SLC25A27: variants seen among roughly 807,000 people sequenced by gnomAD.
The protein encoded by SLC25A27 is solute carrier family 25 member 27.
SLC25A27 carries 35 observed loss-of-function variants against 49.1 expected under a neutral mutation model. The observed-to-expected ratio is 0.71, with a 90% CI of 0.54 to 0.95. The LOEUF is 0.95. Ranked by LOEUF, SLC25A27 falls within the 40% of genes least tolerant of loss-of-function variation. SLC25A27 has a pLI of 0.00. For missense variants in SLC25A27, 339 were observed against 397.1 expected (o/e 0.85, Z 1.24); for synonymous variants, 144 against 136.9 (o/e 1.05, Z -0.36).
At chr6:46,655,531 G>GTTTTTTTTTTTTTTTTTTTTTT (rs1283936753) in intron 1 of SLC25A27, among the ~76,000 whole-genome samples, 2 of 98,548 alleles carry the variant, frequency 2.0e-5, no homozygotes, top group African/African-American at 3.7e-5. Context: ...TATTGTTAAT[G>GTTTTTTTTTTTTTTTTTTTTTT]TTTGTTTTTT....
At chr6:46,653,701 G>T (rs1762855266) in intron 1 of SLC25A27, 14 of 985,188 alleles carry the variant, frequency 1.4e-5, no homozygotes, top group Non-Finnish European at 1.3e-5. Flanking sequence ...TTATCTTGTG[G>T]GTCCAAGTTG....
chr6:46,671,193 CTA>C lies in SLC25A27; in HGVS notation c.870_871del (p.Tyr290Ter), dbSNP rs1234428333. 6.2e-7 allele frequency: 1 copy of C among 1,600,318 alleles called. No homozygotes were observed. Among genetic ancestry groups the C allele is most frequent in the Admixed American group, 1.7e-5 (1 of 57,718 alleles). On this transcript the variant is annotated frameshift_variant, in exon 8 of 9. Coordinates refer to ENST00000371347, the MANE Select transcript of SLC25A27 (RefSeq NM_004277.5). LOFTEE classifies it high-confidence loss of function. Reference protein sequence around the residue: ...QAVQGEGFMSLYKGFLPSWLR... With the variant: ...QAVQGEGFMSXYKGFLPSWLR... ...TGTTCAAGGTGAAGGATTCATGAGT[CTA>C]TATAAAGGCTTTTTACCATCTTGGC...
At chr6:46,655,013 T>C (rs1275956849) in intron 1 of SLC25A27, among the ~76,000 whole-genome samples, 1 of 152,200 alleles carries the variant, frequency 6.6e-6, no homozygotes, top group African/African-American at 2.4e-5. Flanking sequence ...CTTCCTTATG[T>C]AGGCCGTTTA....
chr6:46,657,193 G>C (rs1763013413), intron 2 of SLC25A27, among the ~76,000 whole-genome samples: 2 of 152,190 alleles, frequency 1.3e-5, no homozygotes, highest in South Asian at 4.1e-4. Context: ...GCCGGGTGCT[G>C]TGGCTCACAC....
chr6:46,654,757 A>T lies in SLC25A27; in HGVS notation c.107-1086A>T, dbSNP rs1237978689. 3.9e-5 allele frequency among the ~76,000 whole-genome samples: 6 copies of T among 152,336 alleles called. No homozygotes were observed. The South Asian group carries it at 1.2e-3, about 32-fold the overall frequency. On this transcript the variant is annotated intron_variant, in intron 1 of 8. Coordinates refer to ENST00000371347, the MANE Select transcript of SLC25A27 (RefSeq NM_004277.5). The stretch of plus-strand genomic sequence containing the variant: ...GTCAATAAAATATTGCTTGAAGTCT[A>T]TGCAAGCTACTTCTGTTCTAGGGAA...
At chr6:46,668,050 A>G (rs1485057640) in intron 5 of SLC25A27, among the ~76,000 whole-genome samples, 1 of 152,200 alleles carries the variant, frequency 6.6e-6, no homozygotes, top group Non-Finnish European at 1.5e-5. Flanking sequence ...GCCATTAGAA[A>G]AATGTATAAA....
chr6:46,671,273 AT>A, intron 8 of SLC25A27, 45 bp downstream of exon 8: 1 of 1,106,820 alleles, frequency 9.0e-7, no homozygotes, highest in South Asian at 1.5e-5. Context: ...TTGTACTTAA[AT>A]TACTTTTAAT....
chr6:46,660,539 C>T (rs1036471956), intron 3 of SLC25A27, among the ~76,000 whole-genome samples: 4 of 152,062 alleles, frequency 2.6e-5, no homozygotes, highest in African/African-American at 9.7e-5. Context: ...AAGATATTGA[C>T]TGTAGCAGTG....
chr6:46,668,840 T>G, intron 6 of SLC25A27, 47 bp downstream of exon 6: 1 of 1,071,214 alleles, frequency 9.3e-7, no homozygotes, highest in Non-Finnish European at 1.4e-6. Flanking sequence ...TTGTATCACT[T>G]TTTCTTCCAT....
Position 46,676,598 on chromosome 6 carries a change from T to C in SLC25A27, c.*144T>C, listed in dbSNP as rs552725382. On this transcript the variant is annotated 3_prime_UTR_variant, in exon 9 of 9. Transcript: ENST00000371347. ...TGATTTATAGGGGGCAGCACTTTAT[T>C]TTTTTCTGGAAACCCAAGTTCTCTT... 2 of 1,557,164 alleles carry C rather than the reference T, an allele frequency of 1.3e-6. No individual in the cohort carries two copies. Among genetic ancestry groups the C allele is most frequent in the Non-Finnish European group, 1.7e-6 (2 of 1,149,786 alleles).
At chr6:46,671,028 C>A in intron 7 of SLC25A27, 98 bp from the exon 8 acceptor site, 2 of 864,424 alleles carry the variant, frequency 2.3e-6, no homozygotes, top group South Asian at 3.2e-5. Flanking sequence ...CCGCGCCCGG[C>A]CAATATTTAA....
At chr6:46,669,991 T>G (rs963493326) in intron 6 of SLC25A27, 144 bp from the exon 7 acceptor site, 2 of 536,708 alleles carry the variant, frequency 3.7e-6, no homozygotes, top group African/African-American at 4.0e-5. Flanking sequence ...TTTAATTAAT[T>G]TAGCATTAAT....
chr6:46,657,480 C>A (rs920929141), intron 2 of SLC25A27, among the ~76,000 whole-genome samples: 4 of 151,664 alleles, frequency 2.6e-5, no homozygotes, highest in African/African-American at 9.7e-5. Context: ...ATAAAAAATA[C>A]AAAATAAATT....
At chr6:46,656,107 C>G (rs1449374755) in intron 2 of SLC25A27, 73 bp downstream of exon 2, 9 of 1,292,830 alleles carry the variant, frequency 7.0e-6, no homozygotes, top group Admixed American at 2.4e-5. Flanking sequence ...TCTGTTTGTC[C>G]AAAAACAAGT....
chr6:46,659,363 C>G (rs3778483), intron 3 of SLC25A27, among the ~76,000 whole-genome samples: 73,468 of 151,910 alleles, frequency 0.48, 17,864 homozygotes, highest in East Asian at 0.56. Context: ...AATTCCTGCT[C>G]TGCTACTGTA....
At chr6:46,654,054 GA>G in intron 1 of SLC25A27, 1 of 922,954 alleles carries the variant, frequency 1.1e-6, no homozygotes, top group Non-Finnish European at 1.3e-6. Context: ...CTGCCTACAT[GA>G]GTAAGAAAAA....
At position 46,653,055 on chromosome 6, in the gene SLC25A27, C is replaced by G. The variant is rs1308258570; in HGVS notation, c.-138C>G. 5.0e-6 allele frequency: 4 copies of G among 793,606 alleles called. No individual in the cohort carries two copies. The highest frequency in any genetic ancestry group is 1.7e-5 in the African/African-American group (1 of 57,932). The allele number at this position is 793,606 out of a possible 1,614,324, so 49.2% of individuals were successfully genotyped here. A position where few individuals can be genotyped will look rare whatever the true frequency, so the allele number is the denominator to read the frequency against. On this transcript the variant is annotated 5_prime_UTR_variant, in exon 1 of 9. Transcript: ENST00000371347. The stretch of plus-strand genomic sequence containing the variant: ...TAGGAAGGTTGCGGGTCCACCCGGC[C>G]GAGCCGAACGAGGGAAATGGTCCTC...
rs1264114344 is a variant in SLC25A27, at chr6:46,671,121, T to C, written c.798-5T>C. The C allele has an allele frequency of 3.2e-6, 5 of 1,571,188 alleles. No individual in the cohort carries two copies. The highest frequency in any genetic ancestry group is 4.3e-6 in the Non-Finnish European group (5 of 1,155,672). ...AAAATTAAAAGGATCTTGTTTCCTTTTTAGGGGACTTTTGTATAAATCATC... is the reference window on the plus strand; with the variant it reads ...AAAATTAAAAGGATCTTGTTTCCTTCTTAGGGGACTTTTGTATAAATCATC... On this transcript the variant is annotated splice_region_variant and splice_polypyrimidine_tract_variant and intron_variant, in intron 7 of 8. Transcript: ENST00000371347.
intron 8 of SLC25A27, 24 bp downstream of exon 8, chr6:46,671,252 G>A: frequency 7.5e-7 from 1 of 1,329,306 alleles, no homozygotes. Context: ...TACTTCCTTT[G>A]TTTTTTTTCT....
Sources: gnomAD v4.1 joint callset for allele counts (sites outside exome capture counted in the v4.1 genomes callset) on GRCh38, gnomAD v4.1.1 for gene constraint, MANE v1.5 for transcripts, NCBI Gene and HGNC (gene_info 2026-07-23, HGNC 2026-07-21) for gene names.